USP45: variants seen among roughly 807,000 people sequenced by gnomAD.
The protein encoded by USP45 is ubiquitin carboxyl-terminal hydrolase 45.
USP45 carries 89 observed loss-of-function variants against 95.8 expected under a neutral mutation model. The ratio of observed to expected loss-of-function variants is 0.93; its 90% confidence interval spans 0.78 to 1.11. USP45 has a LOEUF of 1.11. Ranked by LOEUF, USP45 falls within the 50% of genes least tolerant of loss-of-function variation. The pLI is 0.00. For synonymous variants in USP45, 281 were observed against 316.2 expected, an observed-to-expected ratio of 0.89 and a Z score of 1.18; for missense variants, 898 against 942.5, an observed-to-expected ratio of 0.95 and a Z score of 0.62.
chr6:99,481,389 T>C (rs1047134712), intron 8 of USP45, among the ~76,000 whole-genome samples: 8 of 152,190 alleles, frequency 5.3e-5, no homozygotes, highest in African/African-American at 1.4e-4. Context: ...ATTATTTTAA[T>C]AGTAATTTTT....
chr6:99,452,959 T>C lies in USP45; in HGVS notation c.1309-6496A>G, dbSNP rs549058059. On this transcript the variant is annotated intron_variant, in intron 13 of 17. Coordinates refer to ENST00000500704, the MANE Select transcript of USP45 (RefSeq NM_001346022.3). ...ACCAAACACTGCATGTTCTCACTCA[T>C]AGGTGGGAATTGAACAATGAGAACA... is the stretch of plus-strand genomic sequence containing the variant. Among the ~76,000 whole-genome samples, 32 of 151,884 alleles carry C rather than the reference T, an allele frequency of 2.1e-4. No individual in the cohort carries two copies. In the East Asian group the frequency reaches 3.3e-3, roughly 16 times the overall value.
rs1229924086 is a variant in USP45 at position 99,468,725 on chromosome 6, C to A, written c.934-107G>T. ...CAAGGTACACTGTGGATTTCAGTTC[C>A]CTAGTTTGAAAATAAAATGACCAAA... is the stretch of plus-strand genomic sequence containing the variant. On this transcript the variant is annotated intron_variant, in intron 9 of 17. Coordinates refer to ENST00000500704, the MANE Select transcript of USP45 (RefSeq NM_001346022.3). The A allele has an allele frequency of 2.5e-5, 16 of 640,222 alleles. No individual in the cohort carries two copies. In the African/African-American group the frequency reaches 3.0e-4, roughly 12 times the overall value. The allele number at this position is 640,222 out of a possible 1,614,324, so 39.7% of individuals were successfully genotyped here.
intron 1 of USP45, chr6:99,515,175 T>C (rs1800904728): frequency 6.6e-6 from 1 of 152,208 alleles, no homozygotes; most frequent in Admixed American, 6.5e-5. Flanking sequence ...GCCCAGGGCT[T>C]CTCCCGCAGC....
intron 13 of USP45, among the ~76,000 whole-genome samples, chr6:99,454,009 A>G (rs1426464084): frequency 6.6e-6 from 1 of 152,314 alleles, no homozygotes; most frequent in Non-Finnish European, 1.5e-5. Flanking sequence ...AAGAGCCAGA[A>G]TCACTAAAGC....
Position 99,476,187 on chromosome 6 carries a change from G to C in USP45, c.889C>G (p.Leu297Val), listed in dbSNP as rs368932940. 1 of 1,614,056 alleles carries C rather than the reference G, an allele frequency of 6.2e-7. No homozygotes were observed. Reference protein sequence around the residue: ...KDFQQQDSQELLHYLLDAVRT... With the variant: ...KDFQQQDSQEVLHYLLDAVRT... ...ACTGCATCCAGAAGATAATGAAGAA[G>C]CTCCTGACTGTCCTGTTGCTGGAAA... The change falls in exon 9 of 18, where the codon CTT becomes GTT. Residue 297 changes from leucine (L) to valine (V), a missense_variant. By Grantham distance (32) the Leu-to-Val change is conservative (BLOSUM62 1). Transcript: ENST00000500704.
At chr6:99,516,345 A>G (rs17822911), upstream of USP45, among the ~76,000 whole-genome samples, 20,746 of 152,222 alleles carry the variant, frequency 0.14, 1,838 homozygotes, top group Middle Eastern at 0.26. Context: ...CTGGTTATGG[A>G]TAGGTTCTAA....
At position 99,446,002 on chromosome 6, in the gene USP45, T is replaced by TA; in HGVS notation, c.1769dup (p.Leu590PhefsTer10). The TA allele has an allele frequency of 6.2e-7, 1 of 1,613,808 alleles. No individual in the cohort carries two copies. The highest frequency in any genetic ancestry group is 1.1e-5 in the South Asian group (1 of 91,066). On this transcript the variant is annotated frameshift_variant, in exon 14 of 18. Coordinates refer to ENST00000500704, the MANE Select transcript of USP45 (RefSeq NM_001346022.3). LOFTEE classifies it high-confidence loss of function. Reference sequence around the variant, plus strand: ...TATAAGACCTCAAATGCTTCCCCTCTAAAAAACATAAATTATTTGAAATAT... The same window carrying TA: ...TATAAGACCTCAAATGCTTCCCCTCTAAAAAAACATAAATTATTTGAAATAT...
chr6:99,479,880 A>C (rs1791930795), intron 8 of USP45, among the ~76,000 whole-genome samples: 1 of 152,198 alleles, frequency 6.6e-6, no homozygotes, highest in Non-Finnish European at 1.5e-5. Flanking sequence ...GAAGAGTCCT[A>C]TTGCAATATG....
chr6:99,516,061 G>A (rs986953349), upstream of USP45, among the ~76,000 whole-genome samples: 5 of 152,076 alleles, frequency 3.3e-5, no homozygotes, highest in Non-Finnish European at 5.9e-5. Flanking sequence ...ACAGGCTTGA[G>A]CCACCGCGCC....
intron 16 of USP45, among the ~76,000 whole-genome samples, chr6:99,438,530 A>T (rs1780935654): frequency 6.6e-6 from 1 of 152,232 alleles, no homozygotes; most frequent in South Asian, 2.1e-4. Flanking sequence ...TTTTAAAAGA[A>T]ATTCCAAAAA....
chr6:99,464,286 A>G (rs1442890377), intron 13 of USP45, among the ~76,000 whole-genome samples: 1 of 152,264 alleles, frequency 6.6e-6, no homozygotes, highest in Non-Finnish European at 1.5e-5. Context: ...AGCCTAGGCA[A>G]CAAGAGCAAA....
intron 11 of USP45, 32 bp downstream of exon 11, chr6:99,466,640 T>G (rs780899635): frequency 6.6e-7 from 1 of 1,515,042 alleles, no homozygotes; most frequent in African/African-American, 1.4e-5. Context: ...TTGTAATCCA[T>G]TCCATGCTGA....
intron 15 of USP45, among the ~76,000 whole-genome samples, chr6:99,440,537 A>C (rs1233348961): frequency 6.6e-6 from 1 of 152,202 alleles, no homozygotes; most frequent in African/African-American, 2.4e-5. Flanking sequence ...GTTGGAATGA[A>C]AAGATACCTA....
At chr6:99,437,222 T>TAAA (rs748567304) in intron 17 of USP45, 24 bp downstream of exon 17, 11 of 1,586,654 alleles carry the variant, frequency 6.9e-6, no homozygotes, top group Non-Finnish European at 9.4e-6. Context: ...TTTTTAAGAA[T>TAAA]AAAATAAACT....
chr6:99,505,211 C>A (rs1798240262), intron 4 of USP45, among the ~76,000 whole-genome samples: 1 of 152,172 alleles, frequency 6.6e-6, no homozygotes, highest in Non-Finnish European at 1.5e-5. Flanking sequence ...TTCAAAAGCA[C>A]ATTCCAATTC....
upstream of USP45, among the ~76,000 whole-genome samples, chr6:99,516,085 A>G (rs955370581): frequency 1.4e-5 from 2 of 141,504 alleles, no homozygotes; most frequent in East Asian, 4.1e-4. Context: ...CTCCGCCCCC[A>G]CACCCCCGCC....
intron 13 of USP45, among the ~76,000 whole-genome samples, chr6:99,458,569 C>T (rs1018515797): frequency 1.4e-4 from 22 of 152,160 alleles, no homozygotes; most frequent in African/African-American, 5.3e-4. Context: ...CCCATTTCTG[C>T]CAGACTACTT....
At chr6:99,499,170 A>G (rs575534305) in intron 5 of USP45, among the ~76,000 whole-genome samples, 2 of 152,352 alleles carry the variant, frequency 1.3e-5, no homozygotes, top group African/African-American at 4.8e-5. Flanking sequence ...CTGGTCATGC[A>G]TAACTTCAAA....
chr6:99,472,632 A>C (rs1789728279), intron 9 of USP45, among the ~76,000 whole-genome samples: 1 of 152,172 alleles, frequency 6.6e-6, no homozygotes, highest in Non-Finnish European at 1.5e-5. Flanking sequence ...AATTAATCTT[A>C]AAGTAACTCA....
Sources: allele counts gnomAD v4.1 joint callset (sites outside exome capture counted in the v4.1 genomes callset), GRCh38; gene constraint gnomAD v4.1.1; transcripts MANE v1.5; gene names NCBI Gene and HGNC (gene_info 2026-07-23, HGNC 2026-07-21).